SGCD: variants seen among roughly 807,000 people sequenced by gnomAD.
SGCD encodes delta-sarcoglycan.
Under a neutral mutation model 36.6 loss-of-function variants are expected in SGCD, and 18 were observed. The ratio of observed to expected loss-of-function variants is 0.49; its 90% CI spans 0.34 to 0.73. The LOEUF is 0.73. Among genes scored for constraint, SGCD ranks in the 30% least tolerant of loss-of-function variants. The pLI is 0.01. For missense variants in SGCD, 387 were observed against 346.7 expected (o/e 1.12, Z -0.92); for synonymous variants, 133 against 130.6 (o/e 1.02, Z -0.12).
At chr5:155,929,805 GT>G (rs1018683160) in intron 1 of SGCD, among the ~76,000 whole-genome samples, 2 of 152,118 alleles carry the variant, frequency 1.3e-5, no homozygotes, top group Non-Finnish European at 1.5e-5. Flanking sequence ...CACACAAGTA[GT>G]TTTTTGTGTG....
intron 7 of SGCD, chr5:156,738,678 C>T (rs1756501298): frequency 6.6e-6 from 1 of 152,210 alleles, no homozygotes; most frequent in East Asian, 1.9e-4. Flanking sequence ...GGATAAGGAA[C>T]ACCAGAGAGG....
chr5:156,108,718 T>C (rs1228693885), intron 1 of SGCD, among the ~76,000 whole-genome samples: 2 of 152,138 alleles, frequency 1.3e-5, no homozygotes, highest in African/African-American at 4.8e-5. Context: ...TTCATACATT[T>C]GGTGGAGTTG....
At chr5:156,552,205 CT>C (rs1402445686) in intron 4 of SGCD, among the ~76,000 whole-genome samples, 2 of 152,202 alleles carry the variant, frequency 1.3e-5, no homozygotes, top group African/African-American at 2.4e-5. Flanking sequence ...GTATTTCCCT[CT>C]TTATTTCCCC....
intron 7 of SGCD, among the ~76,000 whole-genome samples, chr5:156,688,950 G>A (rs901416856): frequency 7.9e-5 from 12 of 152,260 alleles, no homozygotes; most frequent in South Asian, 2.1e-4. Flanking sequence ...CACAAATTCC[G>A]TATTCTTTCC....
At chr5:156,355,587 G>A (rs1446507750) in intron 3 of SGCD, among the ~76,000 whole-genome samples, 1 of 152,178 alleles carries the variant, frequency 6.6e-6, no homozygotes, top group African/African-American at 2.4e-5. Flanking sequence ...CTCCCAACTT[G>A]TAAAATATAC....
rs529910844 is a variant in SGCD at position 156,083,570 on chromosome 5, C to T, written c.-281-34308C>T. ...TCAACATCCCAAAGTGCTGGAATTACAGGTATGAGCCACTGCACCCGGCCC... is the reference window on the plus strand; with the variant it reads ...TCAACATCCCAAAGTGCTGGAATTATAGGTATGAGCCACTGCACCCGGCCC... On this transcript the variant is annotated intron_variant, in intron 1 of 9. Transcript: ENST00000517913. Among the ~76,000 whole-genome samples the T allele has an allele frequency of 4.0e-5, 6 of 150,032 alleles. No homozygotes were observed. In the South Asian group the frequency reaches 1.0e-3, roughly 26 times the overall value.
At chr5:156,625,444 G>T (rs1762404318) in intron 6 of SGCD, among the ~76,000 whole-genome samples, 1 of 152,194 alleles carries the variant, frequency 6.6e-6, no homozygotes, top group Admixed American at 6.5e-5. Context: ...ATTTTGAGAT[G>T]TATGCAACAA....
At chr5:155,989,413 C>T (rs1179509761) in intron 1 of SGCD, among the ~76,000 whole-genome samples, 1 of 152,134 alleles carries the variant, frequency 6.6e-6, no homozygotes. Flanking sequence ...ATGGGCCATA[C>T]AAAAACAGGT....
At chr5:156,390,363 G>A (rs1352600069) in intron 3 of SGCD, among the ~76,000 whole-genome samples, 2 of 152,222 alleles carry the variant, frequency 1.3e-5, no homozygotes, top group African/African-American at 4.8e-5. Flanking sequence ...GTGGAAGACA[G>A]CGTTGTTGGT....
chr5:156,028,801 G>A (rs985663116), intron 1 of SGCD, among the ~76,000 whole-genome samples: 8 of 151,976 alleles, frequency 5.3e-5, no homozygotes, highest in Non-Finnish European at 1.2e-4. Flanking sequence ...TTTAATAATC[G>A]TCTTTCACAA....
intron 7 of SGCD, among the ~76,000 whole-genome samples, chr5:156,718,964 TCTC>T (rs1755355277): frequency 6.6e-6 from 1 of 152,142 alleles, no homozygotes; most frequent in Non-Finnish European, 1.5e-5. Flanking sequence ...ACTCTTTTCT[TCTC>T]CTCCTCTACT....
intron 1 of SGCD, among the ~76,000 whole-genome samples, chr5:156,075,618 C>T (rs139451942): frequency 9.9e-5 from 15 of 152,202 alleles, no homozygotes; most frequent in Admixed American, 4.6e-4. Context: ...GTTAATATGA[C>T]AGTGGGGTCC....
At chr5:155,799,558 A>G in the SGCD span, among the ~76,000 whole-genome samples, 1 of 146,664 alleles carries the variant, frequency 6.8e-6, no homozygotes, top group Non-Finnish European at 1.5e-5. Context: ...TGCCCAGCTA[A>G]TTTTTTTTTT....
At chr5:156,399,615 G>A (rs763709640) in intron 3 of SGCD, among the ~76,000 whole-genome samples, 1 of 152,148 alleles carries the variant, frequency 6.6e-6, no homozygotes. Flanking sequence ...AGTTCCCTTA[G>A]TTAAGACAAC....
At chr5:156,582,481 T>C (rs1203404872) in intron 4 of SGCD, among the ~76,000 whole-genome samples, 2 of 152,146 alleles carry the variant, frequency 1.3e-5, no homozygotes. Context: ...AAAAGCAATC[T>C]CTGTGACATC....
chr5:156,167,555 G>A (rs1437553396), intron 3 of SGCD, among the ~76,000 whole-genome samples: 1 of 152,018 alleles, frequency 6.6e-6, no homozygotes, highest in East Asian at 1.9e-4. Context: ...GGATCATAAG[G>A]GTGAATCCCT....
intron 3 of SGCD, among the ~76,000 whole-genome samples, chr5:156,486,750 C>A (rs1755684659): frequency 1.3e-5 from 2 of 152,068 alleles, no homozygotes; most frequent in Admixed American, 6.5e-5. Context: ...CTGCTGCCAC[C>A]ACGTGCATGT....
intron 1 of SGCD, among the ~76,000 whole-genome samples, chr5:156,017,133 A>G (rs913704247): frequency 6.6e-6 from 1 of 152,200 alleles, no homozygotes; most frequent in Non-Finnish European, 1.5e-5. Context: ...TGTAAGTGAA[A>G]TTGAACATCT....
intron 1 of SGCD, among the ~76,000 whole-genome samples, chr5:156,030,915 C>T (rs532398882): frequency 1.8e-4 from 27 of 152,196 alleles, no homozygotes; most frequent in African/African-American, 5.8e-4. Context: ...TTTAGTTGTA[C>T]TAGGGCATGT....
Sources: allele counts gnomAD v4.1 joint callset (sites outside exome capture counted in the v4.1 genomes callset), GRCh38; gene constraint gnomAD v4.1.1; transcripts MANE v1.5; gene names NCBI Gene and HGNC (gene_info 2026-07-23, HGNC 2026-07-21).